The following NPAS3 variants were observed in gnomAD, a reference collection of about 807,000 sequenced individuals.
NPAS3 encodes the protein neuronal PAS domain protein 3.
In NPAS3, 14 loss-of-function variants were observed where a neutral mutation model predicts 73.1. The observed-to-expected ratio is 0.19, with a 90% CI of 0.13 to 0.30. The LOEUF (loss-of-function observed/expected upper bound fraction) is 0.30. Among genes scored for constraint, NPAS3 ranks in the 10% least tolerant of loss-of-function variants. The pLI, the probability that NPAS3 is intolerant of heterozygous loss-of-function variation, is 1.00. For missense variants in NPAS3, 1,096 were observed against 1,250.0 expected (o/e 0.88, Z 1.86); for synonymous variants, 620 against 541.5 (o/e 1.14, Z -2.01).
chr14:33,697,693 GCTGA>G (rs1016706758), intron 6 of NPAS3, among the ~76,000 whole-genome samples: 3 of 152,200 alleles, frequency 2.0e-5, no homozygotes, highest in African/African-American at 7.2e-5. Flanking sequence ...TAACTTATCT[GCTGA>G]CTGTCTAAAG....
intron 5 of NPAS3, among the ~76,000 whole-genome samples, chr14:33,570,580 G>C (rs1275012740): frequency 6.6e-6 from 1 of 152,156 alleles, no homozygotes; most frequent in Non-Finnish European, 1.5e-5. Context: ...GACCAAGAAA[G>C]GACCGTGCCA....
At chr14:33,214,001 T>G (rs2139669448) in intron 2 of NPAS3, 1 of 152,296 alleles carries the variant, frequency 6.6e-6, no homozygotes, top group Non-Finnish European at 1.5e-5. Context: ...GAACCAATTT[T>G]GATCTCTTCC....
At chr14:33,715,868 G>A (rs2060944320) in intron 6 of NPAS3, among the ~76,000 whole-genome samples, 1 of 152,128 alleles carries the variant, frequency 6.6e-6, no homozygotes, top group Non-Finnish European at 1.5e-5. Flanking sequence ...AGTCTCACAA[G>A]ATTTGATGGT....
At chr14:33,228,713 A>C (rs1238601747) in intron 3 of NPAS3, among the ~76,000 whole-genome samples, 2 of 152,094 alleles carry the variant, frequency 1.3e-5, no homozygotes, top group Non-Finnish European at 2.9e-5. Flanking sequence ...AGGAGTTTAT[A>C]AGCCACTAGG....
intron 3 of NPAS3, among the ~76,000 whole-genome samples, chr14:33,343,717 A>G (rs2044598160): frequency 6.6e-6 from 1 of 152,226 alleles, no homozygotes; most frequent in South Asian, 2.1e-4. Context: ...ATATCATTTA[A>G]AATATATTTG....
chr14:33,754,475 G>A (rs952560321), intron 7 of NPAS3, among the ~76,000 whole-genome samples: 1 of 152,190 alleles, frequency 6.6e-6, no homozygotes, highest in African/African-American at 2.4e-5. Context: ...ATGCTTAGGA[G>A]CAGGGGAAGA....
At chr14:33,014,079 C>T (rs1205733692) in intron 1 of NPAS3, among the ~76,000 whole-genome samples, 1 of 152,130 alleles carries the variant, frequency 6.6e-6, no homozygotes, top group Non-Finnish European at 1.5e-5. Context: ...GACCTTACTC[C>T]TTACTTCCCA....
At chr14:33,492,952 C>T (rs546521834) in intron 4 of NPAS3, among the ~76,000 whole-genome samples, 1 of 152,180 alleles carries the variant, frequency 6.6e-6, no homozygotes, top group South Asian at 2.1e-4. Flanking sequence ...CTACACTGTC[C>T]CTTAACCTCG....
chr14:33,757,267 A>G (rs918996651), intron 7 of NPAS3, among the ~76,000 whole-genome samples: 1 of 152,190 alleles, frequency 6.6e-6, no homozygotes, highest in Admixed American at 6.5e-5. Flanking sequence ...CTGCAACTTA[A>G]TATCTACATA....
At chr14:33,381,557 A>G (rs986064661) in intron 4 of NPAS3, among the ~76,000 whole-genome samples, 1 of 152,190 alleles carries the variant, frequency 6.6e-6, no homozygotes, top group African/African-American at 2.4e-5. Flanking sequence ...TGGGGGAAAA[A>G]GTAGTAAAGG....
intron 5 of NPAS3, among the ~76,000 whole-genome samples, chr14:33,647,702 T>C (rs78902818): frequency 0.014 from 2,087 of 152,240 alleles, 54 homozygotes; most frequent in African/African-American, 0.047. Flanking sequence ...GTAGCCAGAT[T>C]TGAAGCATTC....
At chr14:33,045,264 A>G (rs2138443937) in intron 1 of NPAS3, among the ~76,000 whole-genome samples, 1 of 152,286 alleles carries the variant, frequency 6.6e-6, no homozygotes, top group African/African-American at 2.4e-5. Context: ...AACTAGGAAA[A>G]GGAGTTGGAA....
At chr14:33,605,442 A>G (rs1050423012) in intron 5 of NPAS3, among the ~76,000 whole-genome samples, 1 of 151,812 alleles carries the variant, frequency 6.6e-6, no homozygotes, top group Non-Finnish European at 1.5e-5. Flanking sequence ...AAATATGATC[A>G]TCTACCTAGA....
intron 1 of NPAS3, among the ~76,000 whole-genome samples, chr14:33,046,697 C>A (rs1018968206): frequency 6.6e-6 from 1 of 152,114 alleles, no homozygotes; most frequent in East Asian, 1.9e-4. Flanking sequence ...AGTTAAGAGC[C>A]GGGAGCAGTG....
intron 2 of NPAS3, among the ~76,000 whole-genome samples, chr14:33,103,745 A>G (rs2042643058): frequency 1.3e-5 from 2 of 152,162 alleles, no homozygotes; most frequent in Non-Finnish European, 2.9e-5. Context: ...TAGCTAAAGC[A>G]TATGTGTGCA....
At chr14:33,671,693 GAGTA>G (rs1291807981) in intron 5 of NPAS3, among the ~76,000 whole-genome samples, 7 of 152,230 alleles carry the variant, frequency 4.6e-5, no homozygotes, top group South Asian at 2.1e-4. Flanking sequence ...CAACGTGAGA[GAGTA>G]AGTAAGTTCT....
At chr14:33,528,608 G>A (rs1240828781) in intron 4 of NPAS3, among the ~76,000 whole-genome samples, 3 of 151,938 alleles carry the variant, frequency 2.0e-5, no homozygotes, top group African/African-American at 7.3e-5. Context: ...CAGCAAATAT[G>A]CATCTAACCC....
intron 2 of NPAS3, among the ~76,000 whole-genome samples, chr14:33,123,660 A>G (rs978158581): frequency 6.6e-6 from 1 of 152,074 alleles, no homozygotes; most frequent in Non-Finnish European, 1.5e-5. Flanking sequence ...CCCAAGAAAA[A>G]GAAAAACCAA....
rs1028617242 is a variant in NPAS3, at chr14:33,464,340, G to A, written c.469-95781G>A. ...TTTATTTTCATGGTTCAAATGAATC[G>A]GCGTTAACTCATGGTAACAGTAAGG... On this transcript the variant is annotated intron_variant, in intron 4 of 11. Coordinates refer to ENST00000356141, the Ensembl canonical transcript of NPAS3. Among the ~76,000 whole-genome samples, 3 of 152,040 alleles carry A rather than the reference G, an allele frequency of 2.0e-5. No homozygotes were observed. In the Middle Eastern group the frequency reaches 0.01, roughly 517 times the overall value.
Sources: allele counts gnomAD v4.1 joint callset (sites outside exome capture counted in the v4.1 genomes callset), GRCh38; gene constraint gnomAD v4.1.1; transcripts MANE v1.5; gene names NCBI Gene and HGNC (gene_info 2026-07-23, HGNC 2026-07-21).